Variants in ALK observed in about 807,000 individuals in gnomAD.
ALK encodes the protein ALK receptor tyrosine kinase, also known as ALK tyrosine kinase receptor.
Under a neutral mutation model 163.1 loss-of-function variants are expected in ALK, and 74 were observed. The ratio of observed to expected loss-of-function variants is 0.45; its 90% confidence interval spans 0.38 to 0.55. The LOEUF (loss-of-function observed/expected upper bound fraction) is 0.55. Ranked by LOEUF, ALK falls within the 20% of genes least tolerant of loss-of-function variation. The probability of loss-of-function intolerance (pLI) is 0.00; values close to 1 mark genes in which losing one functional copy is unlikely to be tolerated. For synonymous variants in ALK, 960 were observed against 843.2 expected (o/e 1.14, Z -2.40); for missense variants, 2,063 against 2,105.3 (o/e 0.98, Z 0.39).
In ALK at chr2:29,200,033, A is replaced by G. The variant is rs1669118028; in HGVS notation, c.3939-2357T>C. Among the ~76,000 whole-genome samples the G allele has an allele frequency of 2.0e-5, 3 of 152,340 alleles. No individual in the cohort carries two copies. The South Asian group carries it at 6.2e-4, about 32-fold the overall frequency. On this transcript the variant is annotated intron_variant, in intron 26 of 28. Coordinates refer to ENST00000389048, the MANE Select transcript of ALK (RefSeq NM_004304.5). ...AGAAGGTTGAAGCACAGGTTATTAT[A>G]CAACTAATCCGAGACAGACTGGAAT...
intron 6 of ALK, 117 bp from the exon 7 acceptor site, chr2:29,320,999 C>G (rs2148251283): frequency 7.7e-7 from 1 of 1,293,212 alleles, no homozygotes; most frequent in Non-Finnish European, 1.1e-6. Flanking sequence ...ATATAGCTCC[C>G]CAGCCAGAAT....
intron 1 of ALK, among the ~76,000 whole-genome samples, chr2:29,768,937 G>T (rs137867832): frequency 6.6e-6 from 1 of 151,804 alleles, no homozygotes; most frequent in African/African-American, 2.4e-5. Flanking sequence ...GGGCTCAAGC[G>T]ATCCTCCCGC....
intron 3 of ALK, among the ~76,000 whole-genome samples, chr2:29,594,032 T>C (rs1484342940): frequency 6.6e-6 from 1 of 152,184 alleles, no homozygotes; most frequent in African/African-American, 2.4e-5. Context: ...TTTTTACAAC[T>C]GAGGATTTTA....
intron 3 of ALK, among the ~76,000 whole-genome samples, chr2:29,575,163 T>C (rs1375920779): frequency 6.6e-6 from 1 of 152,046 alleles, no homozygotes; most frequent in African/African-American, 2.4e-5. Flanking sequence ...TTAAACCAAA[T>C]TGATTGTGGT....
intron 8 of ALK, among the ~76,000 whole-genome samples, chr2:29,311,789 C>T (rs1251691328): frequency 6.6e-6 from 1 of 152,076 alleles, no homozygotes; most frequent in African/African-American, 2.4e-5. Flanking sequence ...ATATCATCTT[C>T]TCTGGGGGAT....
intron 25 of ALK, among the ~76,000 whole-genome samples, chr2:29,208,768 G>A (rs1669382706): frequency 6.6e-6 from 1 of 152,150 alleles, no homozygotes; most frequent in South Asian, 2.1e-4. Flanking sequence ...GTGAGTTAGG[G>A]AAGGGGTCAT....
chr2:29,740,706 G>A (rs1356628231), intron 1 of ALK, among the ~76,000 whole-genome samples: 1 of 152,114 alleles, frequency 6.6e-6, no homozygotes, highest in East Asian at 1.9e-4. Context: ...GCGCTCAAAA[G>A]AAATGTGCTA....
At chr2:29,387,209 G>A (rs1669052558) in intron 4 of ALK, among the ~76,000 whole-genome samples, 1 of 152,170 alleles carries the variant, frequency 6.6e-6, no homozygotes, top group Non-Finnish European at 1.5e-5. Context: ...TCTCTCTGGA[G>A]CTCTCCGGTT....
intron 4 of ALK, among the ~76,000 whole-genome samples, chr2:29,464,919 A>G (rs1479269578): frequency 6.6e-6 from 1 of 152,204 alleles, no homozygotes; most frequent in Non-Finnish European, 1.5e-5. Context: ...TGAAGCTCAG[A>G]AAAAAAGACT....
chr2:29,869,614 A>C (rs1443944167), intron 1 of ALK, among the ~76,000 whole-genome samples: 1 of 152,196 alleles, frequency 6.6e-6, no homozygotes, highest in Non-Finnish European at 1.5e-5. Flanking sequence ...TAAATCAAAA[A>C]ACTTTATATT....
chr2:29,446,887 A>C (rs1175961759), intron 4 of ALK, among the ~76,000 whole-genome samples: 2 of 152,202 alleles, frequency 1.3e-5, no homozygotes, highest in Non-Finnish European at 2.9e-5. Context: ...GATGCTGGGG[A>C]AGCTAGAGTT....
chr2:29,685,089 A>T (rs2148281906), intron 3 of ALK, among the ~76,000 whole-genome samples: 1 of 152,304 alleles, frequency 6.6e-6, no homozygotes, highest in South Asian at 2.1e-4. Context: ...ATCAATTGTG[A>T]CTGTGGCTGG....
rs1386626390 is a variant in ALK at position 29,920,254 on chromosome 2, G to T, written c.406C>A (p.Arg136=). ...VLKGGSVRKL[R]RAKQLVLELG... ...TCCAGCACCAACTGCTTGGCACGCC[G>T]GAGCTTGCGCACGGAGCCGCCCTTC... Residue 136 remains arginine (R), a synonymous_variant, in exon 1 of 29, where the codon CGG becomes AGG. Coordinates refer to ENST00000389048, the MANE Select transcript of ALK (RefSeq NM_004304.5). 1.9e-6 allele frequency: 3 copies of T among 1,606,278 alleles called. No individual in the cohort carries two copies. Among genetic ancestry groups the T allele is most frequent in the South Asian group, 2.2e-5 (2 of 90,202 alleles).
intron 2 of ALK, among the ~76,000 whole-genome samples, chr2:29,705,779 A>G (rs1357343280): frequency 1.3e-5 from 2 of 152,356 alleles, no homozygotes; most frequent in East Asian, 3.9e-4. Context: ...GTGTATGTTG[A>G]GTGCCCTGCA....
At chr2:29,340,231 AATTTC>A (rs1268352758) in intron 5 of ALK, among the ~76,000 whole-genome samples, 4 of 152,214 alleles carry the variant, frequency 2.6e-5, no homozygotes, top group Non-Finnish European at 5.9e-5. Flanking sequence ...TAAACAATGC[AATTTC>A]AACTGTACCT....
intron 3 of ALK, among the ~76,000 whole-genome samples, chr2:29,667,073 C>T (rs1056375434): frequency 2.0e-5 from 3 of 152,042 alleles, no homozygotes; most frequent in African/African-American, 4.8e-5. Context: ...AACACATTTT[C>T]GTTATCCATT....
intron 4 of ALK, among the ~76,000 whole-genome samples, chr2:29,422,445 T>C (rs1054815184): frequency 1.4e-5 from 2 of 147,406 alleles, no homozygotes; most frequent in African/African-American, 2.7e-5. Flanking sequence ...AGGCTTCTTT[T>C]ATTAGGTTGG....
At chr2:29,753,560 C>G (rs924214909) in intron 1 of ALK, among the ~76,000 whole-genome samples, 5 of 152,062 alleles carry the variant, frequency 3.3e-5, no homozygotes, top group African/African-American at 1.2e-4. Context: ...CTTGGTTTAT[C>G]TTATTTTAGA....
intron 9 of ALK, among the ~76,000 whole-genome samples, chr2:29,293,320 A>G (rs1486829630): frequency 6.6e-6 from 1 of 152,192 alleles, no homozygotes; most frequent in Non-Finnish European, 1.5e-5. Context: ...CATTCTGTCA[A>G]TGCATATTTA....
Sources: gnomAD v4.1 joint callset for allele counts (sites outside exome capture counted in the v4.1 genomes callset) on GRCh38, gnomAD v4.1.1 for gene constraint, MANE v1.5 for transcripts, NCBI Gene and HGNC (gene_info 2026-07-23, HGNC 2026-07-21) for gene names.